Variants in SLIT2 observed in about 807,000 individuals in gnomAD.
SLIT2 encodes slit guidance ligand 2.
Under a neutral mutation model 185.7 loss-of-function variants are expected in SLIT2, and 41 were observed. The observed-to-expected ratio is 0.22, with a 90% CI of 0.17 to 0.29. SLIT2 has a LOEUF of 0.29. Among genes scored for constraint, SLIT2 ranks in the 10% least tolerant of loss-of-function variants. The pLI, the probability that SLIT2 is intolerant of heterozygous loss-of-function variation, is 1.00. For missense variants in SLIT2, 1,571 were observed against 1,909.0 expected, an observed-to-expected ratio of 0.82 and a Z score of 3.30; for synonymous variants, 693 against 680.2, an observed-to-expected ratio of 1.02 and a Z score of -0.29.
intron 15 of SLIT2, 129 bp downstream of exon 15, chr4:20,525,301 A>C (rs190662695): frequency 1.5e-6 from 1 of 655,188 alleles, no homozygotes; most frequent in African/African-American, 1.8e-5. Flanking sequence ...TGACTTATGC[A>C]TATATCACTT....
intron 11 of SLIT2, among the ~76,000 whole-genome samples, chr4:20,515,269 G>A (rs183425409): frequency 3.1e-4 from 47 of 152,200 alleles, no homozygotes; most frequent in African/African-American, 1.1e-3. Flanking sequence ...TAATATGTAT[G>A]GCCATGGCAA....
chr4:20,564,815 G>A (rs2148909974), intron 26 of SLIT2, among the ~76,000 whole-genome samples: 1 of 151,324 alleles, frequency 6.6e-6, no homozygotes. Flanking sequence ...GAACATATAT[G>A]AGGAGGCAAC....
intron 4 of SLIT2, among the ~76,000 whole-genome samples, chr4:20,405,222 G>A (rs1213824649): frequency 3.3e-5 from 5 of 151,590 alleles, no homozygotes; most frequent in Admixed American, 6.6e-5. Flanking sequence ...ATTAAATAAT[G>A]TATCACATAC....
intron 4 of SLIT2, among the ~76,000 whole-genome samples, chr4:20,350,250 C>T (rs539157389): frequency 3.4e-4 from 51 of 150,296 alleles, no homozygotes; most frequent in African/African-American, 1.2e-3. Context: ...TTAAATAAGT[C>T]GATATAGTAT....
intron 36 of SLIT2, among the ~76,000 whole-genome samples, chr4:20,618,454 T>A (rs1342569628): frequency 6.6e-6 from 1 of 152,208 alleles, no homozygotes; most frequent in Non-Finnish European, 1.5e-5. Context: ...AACCAGCTGT[T>A]AGTAGTGTAA....
chr4:20,462,247 A>G (rs978045234), intron 4 of SLIT2, among the ~76,000 whole-genome samples: 2 of 152,128 alleles, frequency 1.3e-5, no homozygotes, highest in Admixed American at 6.6e-5. Context: ...TCATTTCTCT[A>G]TGATCTTAAA....
intron 3 of SLIT2, among the ~76,000 whole-genome samples, chr4:20,259,996 AT>A (rs1560262102): frequency 6.6e-6 from 1 of 151,882 alleles, no homozygotes; most frequent in East Asian, 1.9e-4. Context: ...TCTTAGGAAC[AT>A]TGTGGATACA....
chr4:20,494,210 GTAGGAGC>G (rs1560473826), intron 9 of SLIT2, among the ~76,000 whole-genome samples: 1 of 152,200 alleles, frequency 6.6e-6, no homozygotes, highest in African/African-American at 2.4e-5. Context: ...TGTCAGAAGA[GTAGGAGC>G]TAGTCAGTGA....
At chr4:20,391,134 G>T (rs1725382155) in intron 4 of SLIT2, among the ~76,000 whole-genome samples, 1 of 152,008 alleles carries the variant, frequency 6.6e-6, no homozygotes, top group African/African-American at 2.4e-5. Context: ...AAAACGGTTA[G>T]AATTGTCGGG....
At chr4:20,317,319 AC>A (rs1560311593) in intron 4 of SLIT2, among the ~76,000 whole-genome samples, 1 of 149,652 alleles carries the variant, frequency 6.7e-6, no homozygotes, top group African/African-American at 2.4e-5. Context: ...AGAAAAAAAA[AC>A]AAAACTGAGA....
chr4:20,426,803 G>A (rs985293183), intron 4 of SLIT2, among the ~76,000 whole-genome samples: 1 of 152,136 alleles, frequency 6.6e-6, no homozygotes, highest in African/African-American at 2.4e-5. Flanking sequence ...GTGCATATGG[G>A]CTGGGCTTAT....
intron 4 of SLIT2, among the ~76,000 whole-genome samples, chr4:20,355,003 T>C (rs1722209816): frequency 1.3e-5 from 2 of 152,110 alleles, no homozygotes; most frequent in South Asian, 2.1e-4. Flanking sequence ...TGTTTCTTTT[T>C]TACCTTTCCT....
At chr4:20,310,521 C>T (rs1237141154) in intron 4 of SLIT2, among the ~76,000 whole-genome samples, 1 of 152,136 alleles carries the variant, frequency 6.6e-6, no homozygotes, top group African/African-American at 2.4e-5. Flanking sequence ...TGACAACTTT[C>T]CCTCTTAAGT....
chr4:20,463,079 C>T (rs1477208887), intron 4 of SLIT2, among the ~76,000 whole-genome samples: 2 of 152,028 alleles, frequency 1.3e-5, no homozygotes, highest in Non-Finnish European at 2.9e-5. Context: ...GATGAAGCAA[C>T]TCAAGCACAA....
chr4:20,364,186 C>A, intron 4 of SLIT2: 1 of 716,506 alleles, frequency 1.4e-6, no homozygotes, highest in Non-Finnish European at 1.7e-6. Context: ...TAGAGAAATA[C>A]TGGGATGGAG....
intron 21 of SLIT2, 130 bp downstream of exon 21, chr4:20,542,756 C>T (rs1722912891): frequency 1.0e-6 from 1 of 974,258 alleles, no homozygotes; most frequent in East Asian, 2.6e-5. Flanking sequence ...TAATTATTAT[C>T]CTGTAAAATG....
chr4:20,270,021 C>CT (rs1386817272), intron 4 of SLIT2, among the ~76,000 whole-genome samples: 1 of 151,848 alleles, frequency 6.6e-6, no homozygotes, highest in Non-Finnish European at 1.5e-5. Context: ...TTTTTCTCTT[C>CT]TTTTTTGTGT....
intron 6 of SLIT2, among the ~76,000 whole-genome samples, chr4:20,481,678 CT>C (rs916076088): frequency 2.6e-5 from 4 of 152,006 alleles, no homozygotes; most frequent in Admixed American, 2.6e-4. Context: ...AAAATCCTTC[CT>C]TTTCCCCACA....
In SLIT2 at chr4:20,595,838, A is replaced by G; in HGVS notation, c.3320+4A>G. ...GCATATGCCCCGAAGGTTACAGGTA[A>G]AAGCAGAAATGAATAAGACCTAGTG... On this transcript the variant is annotated splice_donor_region_variant and intron_variant, in intron 31 of 36. Transcript: ENST00000504154. 2 of 1,612,940 alleles carry G rather than the reference A, an allele frequency of 1.2e-6. No homozygotes were observed. The highest frequency in any genetic ancestry group is 2.7e-5 in the African/African-American group (2 of 75,018).
Sources: gnomAD v4.1 joint callset for allele counts (sites outside exome capture counted in the v4.1 genomes callset) on GRCh38, gnomAD v4.1.1 for gene constraint, MANE v1.5 for transcripts, NCBI Gene and HGNC (gene_info 2026-07-23, HGNC 2026-07-21) for gene names.